SEMA6D: variants seen among roughly 807,000 people sequenced by gnomAD.
The protein encoded by SEMA6D is semaphorin 6D.
A neutral mutation model predicts 106.6 loss-of-function variants in SEMA6D; 35 were observed. That is an observed-to-expected ratio of 0.33 (90% CI 0.25 to 0.44). The LOEUF (loss-of-function observed/expected upper bound fraction) is 0.44. SEMA6D is among the 20% of genes least tolerant of loss of function. SEMA6D has a pLI of 1.00. For synonymous variants in SEMA6D, 499 were observed against 487.7 expected (o/e 1.02, Z -0.31); for missense variants, 1,185 against 1,345.9 (o/e 0.88, Z 1.87).
chr15:47,392,598 A>G (rs1463732364), intron 1 of SEMA6D, among the ~76,000 whole-genome samples: 1 of 152,204 alleles, frequency 6.6e-6, no homozygotes, highest in East Asian at 1.9e-4. Flanking sequence ...TCTATCCCCC[A>G]GAACCTCCAA....
chr15:47,737,977 T>A (rs1030830970), intron 1 of SEMA6D, among the ~76,000 whole-genome samples: 2 of 152,068 alleles, frequency 1.3e-5, no homozygotes, highest in African/African-American at 4.8e-5. Flanking sequence ...CAGTGTAAAG[T>A]TGTGTCTCCT....
intron 1 of SEMA6D, among the ~76,000 whole-genome samples, chr15:47,235,296 TTACTC>T (rs1036906388): frequency 6.6e-6 from 1 of 152,112 alleles, no homozygotes; most frequent in African/African-American, 2.4e-5. Context: ...AGTTGTCTGT[TTACTC>T]TGATGATTTT....
chr15:47,573,869 T>G (rs2076109510), intron 3 of SEMA6D, among the ~76,000 whole-genome samples: 1 of 152,192 alleles, frequency 6.6e-6, no homozygotes, highest in Non-Finnish European at 1.5e-5. Flanking sequence ...AGTCACTTTA[T>G]CCTACTCCAT....
intron 1 of SEMA6D, among the ~76,000 whole-genome samples, chr15:47,401,555 G>A (rs979004893): frequency 4.6e-5 from 7 of 152,048 alleles, no homozygotes; most frequent in African/African-American, 1.2e-4. Context: ...CCTTCCACCT[G>A]CTCACCCAAT....
intron 1 of SEMA6D, among the ~76,000 whole-genome samples, chr15:47,747,482 A>C (rs1459148106): frequency 6.6e-6 from 1 of 152,228 alleles, no homozygotes; most frequent in Non-Finnish European, 1.5e-5. Context: ...CCAGACTTAA[A>C]GTGAAAACCT....
intron 1 of SEMA6D, among the ~76,000 whole-genome samples, chr15:47,742,738 C>T (rs966469320): frequency 6.6e-6 from 1 of 152,194 alleles, no homozygotes; most frequent in African/African-American, 2.4e-5. Flanking sequence ...CCACAGGTCC[C>T]TCCAGTTCTT....
At chr15:47,629,143 TAA>T (rs1245925412) in intron 4 of SEMA6D, among the ~76,000 whole-genome samples, 1 of 152,080 alleles carries the variant, frequency 6.6e-6, no homozygotes, top group Non-Finnish European at 1.5e-5. Context: ...AGCTACATAA[TAA>T]GTCATAAAAT....
At chr15:47,530,589 C>A (rs1030027351) in intron 3 of SEMA6D, among the ~76,000 whole-genome samples, 1 of 152,144 alleles carries the variant, frequency 6.6e-6, no homozygotes, top group Non-Finnish European at 1.5e-5. Flanking sequence ...TTTAAAGAGA[C>A]CTCAGACAGA....
intron 1 of SEMA6D, among the ~76,000 whole-genome samples, chr15:47,340,896 G>A (rs1313736854): frequency 6.6e-6 from 1 of 152,168 alleles, no homozygotes; most frequent in South Asian, 2.1e-4. Flanking sequence ...AGTGTTAAGT[G>A]CTGAGATATT....
intron 1 of SEMA6D, among the ~76,000 whole-genome samples, chr15:47,296,679 A>G (rs758306220): frequency 2.0e-5 from 3 of 152,252 alleles, no homozygotes; most frequent in Non-Finnish European, 2.9e-5. Flanking sequence ...TGAGCGTTTT[A>G]TCAAGATGTG....
chr15:47,310,069 A>C (rs2036386581), intron 1 of SEMA6D, among the ~76,000 whole-genome samples: 1 of 152,174 alleles, frequency 6.6e-6, no homozygotes, highest in Non-Finnish European at 1.5e-5. Flanking sequence ...TCTCACTATA[A>C]ATTCTAAATT....
chr15:47,298,524 A>G (rs1162500070), intron 1 of SEMA6D, among the ~76,000 whole-genome samples: 1 of 152,168 alleles, frequency 6.6e-6, no homozygotes, highest in Non-Finnish European at 1.5e-5. Context: ...AATTGTGTCC[A>G]CTGGATAGAA....
chr15:47,627,134 TAA>T (rs2077216840), intron 4 of SEMA6D, among the ~76,000 whole-genome samples: 1 of 152,162 alleles, frequency 6.6e-6, no homozygotes, highest in Non-Finnish European at 1.5e-5. Context: ...CCTGACTTGC[TAA>T]GCATTTACTA....
intron 4 of SEMA6D, among the ~76,000 whole-genome samples, chr15:47,614,641 G>A (rs916154307): frequency 6.6e-6 from 1 of 152,060 alleles, no homozygotes; most frequent in Non-Finnish European, 1.5e-5. Context: ...GTACTTTGGT[G>A]CACGTATCAA....
intron 3 of SEMA6D, among the ~76,000 whole-genome samples, chr15:47,564,066 C>T (rs939197285): frequency 8.5e-5 from 13 of 152,228 alleles, no homozygotes; most frequent in African/African-American, 2.2e-4. Flanking sequence ...CCTGACCCTA[C>T]GTCAATGACA....
chr15:47,421,029 C>G (rs1383827934), intron 2 of SEMA6D, among the ~76,000 whole-genome samples: 6 of 152,056 alleles, frequency 3.9e-5, no homozygotes, highest in African/African-American at 1.4e-4. Context: ...ATTTTAAAGT[C>G]TAATATGTTT....
intron 4 of SEMA6D, among the ~76,000 whole-genome samples, chr15:47,709,880 C>CAAGAAA (rs2078981816): frequency 7.9e-6 from 1 of 127,016 alleles, no homozygotes. Context: ...TAAAAACTGG[C>CAAGAAA]AAAAAAAAAA....
At chr15:47,604,866 A>ATTTTTTT (rs56218960) in intron 4 of SEMA6D, among the ~76,000 whole-genome samples, 5 of 144,166 alleles carry the variant, frequency 3.5e-5, no homozygotes, top group African/African-American at 7.8e-5. Flanking sequence ...TGCCTGGCTA[A>ATTTTTTT]TTTTTTTTTT....
intron 1 of SEMA6D, among the ~76,000 whole-genome samples, chr15:47,351,477 TG>T (rs1357184386): frequency 6.6e-6 from 1 of 152,184 alleles, no homozygotes; most frequent in East Asian, 1.9e-4. Context: ...TCATTTAATC[TG>T]CAGAACAACC....
Sources: allele counts gnomAD v4.1 joint callset (sites outside exome capture counted in the v4.1 genomes callset), GRCh38; gene constraint gnomAD v4.1.1; transcripts MANE v1.5; gene names NCBI Gene and HGNC (gene_info 2026-07-23, HGNC 2026-07-21).